Variants in PXDNL observed in about 807,000 individuals in gnomAD.
The protein encoded by PXDNL is probable oxidoreductase PXDNL.
PXDNL carries 145 observed loss-of-function variants against 150.8 expected under a neutral mutation model. The ratio of observed to expected loss-of-function variants is 0.96; its 90% CI spans 0.84 to 1.10. The LOEUF (loss-of-function observed/expected upper bound fraction) is 1.10. PXDNL is among the 50% of genes least tolerant of loss of function. The pLI is 0.00. For missense variants in PXDNL, 2,087 were observed against 1,873.9 expected (o/e 1.11, Z -2.10); for synonymous variants, 757 against 725.7 (o/e 1.04, Z -0.69).
chr8:51,603,249 T>C (rs1813765148), intron 2 of PXDNL, among the ~76,000 whole-genome samples: 2 of 152,056 alleles, frequency 1.3e-5, no homozygotes, highest in East Asian at 3.9e-4. Flanking sequence ...TTTTAAAGAT[T>C]TTTTTCTGGG....
intron 17 of PXDNL, among the ~76,000 whole-genome samples, chr8:51,405,659 C>A (rs185078287): frequency 2.6e-5 from 4 of 152,128 alleles, no homozygotes. Context: ...GAGAACTGAC[C>A]GTAAAAACCA....
chr8:51,328,832 G>A (rs1404618170), intron 21 of PXDNL, among the ~76,000 whole-genome samples: 1 of 152,202 alleles, frequency 6.6e-6, no homozygotes, highest in Non-Finnish European at 1.5e-5. Context: ...GGCCCTGGCA[G>A]CGGGAGGGGA....
chr8:51,497,487 G>C (rs1205711324), intron 5 of PXDNL, among the ~76,000 whole-genome samples: 1 of 152,172 alleles, frequency 6.6e-6, no homozygotes, highest in African/African-American at 2.4e-5. Context: ...TACCATCAGA[G>C]TGAACAGGCA....
At chr8:51,746,048 C>G (rs138850367) in intron 1 of PXDNL, among the ~76,000 whole-genome samples, 4 of 152,104 alleles carry the variant, frequency 2.6e-5, no homozygotes, top group Non-Finnish European at 5.9e-5. Flanking sequence ...CGTGAGCCAC[C>G]GTGCCCAGCC....
chr8:51,474,734 GA>G (rs777132957), intron 7 of PXDNL, among the ~76,000 whole-genome samples: 11 of 152,156 alleles, frequency 7.2e-5, no homozygotes, highest in Admixed American at 1.3e-4. Context: ...TGAAATTACG[GA>G]AATTAGATTA....
chr8:51,485,461 G>T (rs569409619), intron 5 of PXDNL, among the ~76,000 whole-genome samples: 7 of 152,160 alleles, frequency 4.6e-5, no homozygotes, highest in African/African-American at 1.7e-4. Flanking sequence ...TCTCTACATT[G>T]TCCGATTTTA....
chr8:51,336,895 C>G (rs1805845131), intron 21 of PXDNL, among the ~76,000 whole-genome samples: 1 of 152,130 alleles, frequency 6.6e-6, no homozygotes, highest in South Asian at 2.1e-4. Flanking sequence ...TTCTAATTCT[C>G]TCATTGAACC....
rs56172111 is a variant in PXDNL, at chr8:51,689,246, T to C, written c.165-34486A>G. 6.2e-3 allele frequency among the ~76,000 whole-genome samples: 937 copies of C among 152,182 alleles called. 3 individuals carry two copies. The highest frequency in any genetic ancestry group is 9.9e-3 in the Non-Finnish European group (672 of 68,000). On this transcript the variant is annotated intron_variant, in intron 1 of 22. Coordinates refer to ENST00000356297, the MANE Select transcript of PXDNL (RefSeq NM_144651.5). Reference sequence around the variant, plus strand: ...GGAGGATCATCTGCCCAAGCAACCATGCTGTCAGCTTCTTCATGATTTCTT... The same window carrying C: ...GGAGGATCATCTGCCCAAGCAACCACGCTGTCAGCTTCTTCATGATTTCTT...
chr8:51,461,396 G>A (rs530988761), intron 8 of PXDNL, among the ~76,000 whole-genome samples: 15 of 152,344 alleles, frequency 9.8e-5, no homozygotes, highest in Middle Eastern at 3.4e-3. Flanking sequence ...ACAGCCCAGC[G>A]ATCTGGGTGC....
At chr8:51,579,817 G>T (rs1048797908) in intron 3 of PXDNL, among the ~76,000 whole-genome samples, 1 of 151,736 alleles carries the variant, frequency 6.6e-6, no homozygotes, top group South Asian at 2.1e-4. Flanking sequence ...TTGATATTAC[G>T]CAAAAACCAG....
At chr8:51,683,969 C>T (rs1815815927) in intron 1 of PXDNL, among the ~76,000 whole-genome samples, 1 of 152,092 alleles carries the variant, frequency 6.6e-6, no homozygotes, top group Admixed American at 6.5e-5. Flanking sequence ...ATGTCAAAAC[C>T]TCCAGATTGA....
chr8:51,658,184 A>C (rs1360625022), intron 1 of PXDNL, among the ~76,000 whole-genome samples: 2 of 151,956 alleles, frequency 1.3e-5, no homozygotes, highest in Non-Finnish European at 2.9e-5. Flanking sequence ...TCTACAAAAA[A>C]TACAAAAATT....
chr8:51,507,554 T>C (rs2130325541), intron 4 of PXDNL, among the ~76,000 whole-genome samples: 1 of 152,314 alleles, frequency 6.6e-6, no homozygotes, highest in South Asian at 2.1e-4. Flanking sequence ...ATGACAAGAT[T>C]CAAAGAAATG....
chr8:51,803,687 C>G (rs929976006), intron 1 of PXDNL, among the ~76,000 whole-genome samples: 10 of 152,188 alleles, frequency 6.6e-5, no homozygotes, highest in Admixed American at 3.3e-4. Flanking sequence ...CAGTACACAG[C>G]CTACACAACC....
chr8:51,573,185 A>G (rs1812981931), intron 3 of PXDNL, among the ~76,000 whole-genome samples: 1 of 152,016 alleles, frequency 6.6e-6, no homozygotes. Flanking sequence ...CATGCCATTA[A>G]AAGTCAACTG....
intron 1 of PXDNL, 60 bp downstream of exon 1, chr8:51,809,121 T>C (rs559971442): frequency 5.1e-6 from 8 of 1,565,498 alleles, no homozygotes; most frequent in South Asian, 1.1e-5. Context: ...ACACAGGTCC[T>C]AGCAGAGAAG....
chr8:51,320,748 A>AAC (rs376521581), intron 22 of PXDNL, 36 bp downstream of exon 22: 391,407 of 1,469,002 alleles, frequency 0.27, 56,877 homozygotes, highest in African/African-American at 0.57. Flanking sequence ...CTAGAAGTGA[A>AAC]ATGGGGAGTT....
At chr8:51,698,341 T>C (rs1200793907) in intron 1 of PXDNL, among the ~76,000 whole-genome samples, 2 of 152,228 alleles carry the variant, frequency 1.3e-5, no homozygotes, top group African/African-American at 2.4e-5. Flanking sequence ...AATTGCTTTG[T>C]TTTCATTTCA....
At chr8:51,602,396 A>T (rs1813742996) in intron 2 of PXDNL, among the ~76,000 whole-genome samples, 1 of 150,510 alleles carries the variant, frequency 6.6e-6, no homozygotes, top group South Asian at 2.1e-4. Flanking sequence ...CCTTTTTTTT[A>T]AATCAGATTA....
Sources: gnomAD v4.1 joint callset for allele counts (sites outside exome capture counted in the v4.1 genomes callset) on GRCh38, gnomAD v4.1.1 for gene constraint, MANE v1.5 for transcripts, NCBI Gene and HGNC (gene_info 2026-07-23, HGNC 2026-07-21) for gene names.